Variants in NOS1AP observed in about 807,000 individuals in gnomAD.
NOS1AP encodes carboxyl-terminal PDZ ligand of neuronal nitric oxide synthase protein.
A neutral mutation model predicts 56.2 loss-of-function variants in NOS1AP; 21 were observed. The observed-to-expected ratio is 0.37, with a 90% CI of 0.26 to 0.54. The LOEUF (loss-of-function observed/expected upper bound fraction) is 0.54, where lower values mean the gene tolerates loss of function less well. NOS1AP is among the 20% of genes least tolerant of loss of function. The pLI, the probability that NOS1AP is intolerant of heterozygous loss-of-function variation, is 0.84. For synonymous variants in NOS1AP, 270 were observed against 274.6 expected (o/e 0.98, Z 0.17); for missense variants, 522 against 657.8 (o/e 0.79, Z 2.26).
intron 2 of NOS1AP, among the ~76,000 whole-genome samples, chr1:162,279,487 C>T (rs1351809976): frequency 6.6e-6 from 1 of 152,212 alleles, no homozygotes; most frequent in African/African-American, 2.4e-5. Context: ...GCATGAACCG[C>T]TCTTCCACCT....
chr1:162,204,080 G>A lies in NOS1AP; in HGVS notation c.177+49604G>A, dbSNP rs553005402. On this transcript the variant is annotated intron_variant, in intron 2 of 9. Coordinates refer to ENST00000361897, the MANE Select transcript of NOS1AP (RefSeq NM_014697.3). ...CTTTCAAAAAATTCAAGTCTTGTTA[G>A]TGCGTGCCCATTTGTGCTGCTTCAA... Among the ~76,000 whole-genome samples, 420 of 108,770 alleles carry A rather than the reference G, an allele frequency of 3.9e-3. 2 individuals carry two copies. Among genetic ancestry groups the A allele is most frequent in the African/African-American group, 0.016 (402 of 25,918 alleles). 71.4% of individuals were successfully genotyped at this position (108,770 alleles called of 152,430 possible).
At chr1:162,349,783 G>C (rs1266731660) in intron 6 of NOS1AP, among the ~76,000 whole-genome samples, 1 of 152,164 alleles carries the variant, frequency 6.6e-6, no homozygotes, top group African/African-American at 2.4e-5. Flanking sequence ...CTGATTTTAT[G>C]ACGGGTCCAA....
At chr1:162,151,721 C>T (rs1384856495) in intron 1 of NOS1AP, among the ~76,000 whole-genome samples, 1 of 151,832 alleles carries the variant, frequency 6.6e-6, no homozygotes, top group African/African-American at 2.4e-5. Context: ...TTTGGTTAAG[C>T]TAATTTCTAG....
At chr1:162,242,691 C>A (rs1353095805) in intron 2 of NOS1AP, among the ~76,000 whole-genome samples, 2 of 152,160 alleles carry the variant, frequency 1.3e-5, no homozygotes, top group Admixed American at 1.3e-4. Flanking sequence ...GGTTGTATTA[C>A]AGATGTAATT....
At chr1:162,199,444 C>A (rs1651913016) in intron 2 of NOS1AP, among the ~76,000 whole-genome samples, 1 of 152,192 alleles carries the variant, frequency 6.6e-6, no homozygotes, top group African/African-American at 2.4e-5. Flanking sequence ...TGTCCCTGTC[C>A]TCTCCACTGT....
rs1328862271 is a variant in NOS1AP, at chr1:162,101,159, G to A, written c.105+30877G>A. ...CAGTTTCAGTTTTCTACATATGGCT[G>A]GCCAGTTCAACCAGCACCATTTATT... is the stretch of plus-strand genomic sequence containing the variant. On this transcript the variant is annotated intron_variant, in intron 1 of 9. Transcript: ENST00000361897. Among the ~76,000 whole-genome samples, 8 of 151,964 alleles carry A rather than the reference G, an allele frequency of 5.3e-5. No homozygotes were observed. In the South Asian group the frequency reaches 1.7e-3, roughly 32 times the overall value.
rs115480724 is a variant in NOS1AP, at chr1:162,264,140, T to G, written c.178-23204T>G. On this transcript the variant is annotated intron_variant, in intron 2 of 9. Coordinates refer to ENST00000361897, the MANE Select transcript of NOS1AP (RefSeq NM_014697.3). ...ATCAGAATCTCCAGCCATGTTCCAC[T>G]TCATCCTTCCAACCTAAACGTGTCC... 5.3e-3 allele frequency among the ~76,000 whole-genome samples: 811 copies of G among 152,310 alleles called. 10 individuals are homozygous for G. The highest frequency in any genetic ancestry group is 0.018 in the African/African-American group (764 of 41,570).
At chr1:162,340,904 T>C (rs747401269) in intron 5 of NOS1AP, among the ~76,000 whole-genome samples, 13 of 152,206 alleles carry the variant, frequency 8.5e-5, no homozygotes, top group Non-Finnish European at 1.8e-4. Flanking sequence ...TGGTTGAATA[T>C]GTGAGTATGT....
At chr1:162,199,905 G>A (rs1034916070) in intron 2 of NOS1AP, among the ~76,000 whole-genome samples, 3 of 152,166 alleles carry the variant, frequency 2.0e-5, no homozygotes, top group Non-Finnish European at 4.4e-5. Context: ...GCAAATTAGT[G>A]CTTTGGTCCT....
rs572870012 is a variant in NOS1AP, at chr1:162,072,307, T to C, written c.105+2025T>C. ...TTAACGAGCATTCCAGTTGATTTAA[T>C]GCAGGTGATTGTGGCCAGACTTTGA... On this transcript the variant is annotated intron_variant, in intron 1 of 9. Coordinates refer to ENST00000361897, the MANE Select transcript of NOS1AP (RefSeq NM_014697.3). Among the ~76,000 whole-genome samples, 15 of 152,336 alleles carry C rather than the reference T, an allele frequency of 9.8e-5. No individual in the cohort carries two copies. In the East Asian group the frequency reaches 2.1e-3, roughly 22 times the overall value.
Position 162,355,169 on chromosome 1 carries a change from C to CCCTT in NOS1AP, c.596-16_596-15insTTCC. On this transcript the variant is annotated splice_polypyrimidine_tract_variant and intron_variant, in intron 6 of 9. Transcript: ENST00000361897. The stretch of plus-strand genomic sequence containing the variant: ...GGTGTTTTCATTCTCTTCCCTCCCT[C>CCCTT]CCCTGTTGTTCCTGCAGGCCGCCAG... 6.2e-7 allele frequency: 1 copy of CCCTT among 1,613,928 alleles called. No homozygotes were observed. The highest frequency in any genetic ancestry group is 8.5e-7 in the Non-Finnish European group (1 of 1,179,980).
chr1:162,306,976 A>T (rs1392282395), intron 4 of NOS1AP, among the ~76,000 whole-genome samples: 2 of 152,128 alleles, frequency 1.3e-5, no homozygotes, highest in African/African-American at 2.4e-5. Context: ...AAAAAAAAAA[A>T]ATAGTTTCAT....
chr1:162,155,691 C>A (rs1649945722), intron 2 of NOS1AP, among the ~76,000 whole-genome samples: 1 of 152,052 alleles, frequency 6.6e-6, no homozygotes, highest in African/African-American at 2.4e-5. Flanking sequence ...TGAGACTGAG[C>A]AAGAATCAAA....
Position 162,365,429 on chromosome 1 carries a change from C to T in NOS1AP, c.965C>T (p.Ala322Val). Residue 322 changes from alanine (A) to valine (V), a missense_variant, in exon 9 of 10, where the codon GCT (alanine) becomes GTT (valine). Ala to Val is a moderately conservative substitution (Grantham distance 64). Coordinates refer to ENST00000361897, the MANE Select transcript of NOS1AP (RefSeq NM_014697.3). Reference protein sequence around the residue: ...AQVHLLKDQLAAEAAARLEAQ... With the variant: ...AQVHLLKDQLVAEAAARLEAQ... Reference sequence around the variant, plus strand: ...GTACACTTGCTGAAGGACCAGTTGGCTGCTGAGGCTGCGGCGCGGCTGGAG... The same window carrying T: ...GTACACTTGCTGAAGGACCAGTTGGTTGCTGAGGCTGCGGCGCGGCTGGAG... The T allele has an allele frequency of 6.2e-7, 1 of 1,614,088 alleles. No homozygotes were observed. The highest frequency in any genetic ancestry group is 1.3e-5 in the African/African-American group (1 of 75,074).
At position 162,289,163 on chromosome 1, in the gene NOS1AP, T is replaced by C. The variant is rs545328857; in HGVS notation, c.270+1727T>C. 7.2e-5 allele frequency among the ~76,000 whole-genome samples: 11 copies of C among 152,246 alleles called. No homozygotes were observed. The South Asian group carries it at 2.3e-3, about 32-fold the overall frequency. ...CCCACCACCCCACTACACATCCACT[T>C]CTGACTGACATATCTTTGTTTGCCT... On this transcript the variant is annotated intron_variant, in intron 3 of 9. Coordinates refer to ENST00000361897, the MANE Select transcript of NOS1AP (RefSeq NM_014697.3).
chr1:162,094,285 A>G (rs1205420992), intron 1 of NOS1AP, among the ~76,000 whole-genome samples: 2 of 152,168 alleles, frequency 1.3e-5, no homozygotes, highest in Non-Finnish European at 2.9e-5. Flanking sequence ...TCTCTTCCCT[A>G]TGCTCTTCAT....
chr1:162,109,971 T>A (rs964764088), intron 1 of NOS1AP, among the ~76,000 whole-genome samples: 5 of 152,176 alleles, frequency 3.3e-5, no homozygotes, highest in African/African-American at 1.2e-4. Context: ...CTGCAGTGTC[T>A]CTGAAGATGG....
chr1:162,262,594 T>C (rs1654273573), intron 2 of NOS1AP, among the ~76,000 whole-genome samples: 2 of 152,218 alleles, frequency 1.3e-5, no homozygotes, highest in Non-Finnish European at 2.9e-5. Context: ...TAACTTTTAT[T>C]TTTATGAAGG....
At chr1:162,128,691 A>G (rs898808178) in intron 1 of NOS1AP, among the ~76,000 whole-genome samples, 1 of 152,034 alleles carries the variant, frequency 6.6e-6, no homozygotes, top group Admixed American at 6.5e-5. Flanking sequence ...TTTTATTCAC[A>G]AGGTATGTAG....
Sources: gnomAD v4.1 joint callset for allele counts (sites outside exome capture counted in the v4.1 genomes callset) on GRCh38, gnomAD v4.1.1 for gene constraint, MANE v1.5 for transcripts, NCBI Gene and HGNC (gene_info 2026-07-23, HGNC 2026-07-21) for gene names.